Variants in MCTP2 observed in about 807,000 individuals in gnomAD.
MCTP2 encodes multiple C2 and transmembrane domain-containing protein 2.
A neutral mutation model predicts 111.6 loss-of-function variants in MCTP2; 132 were observed. The observed-to-expected ratio is 1.18, with a 90% CI of 1.03 to 1.37. MCTP2 has a LOEUF of 1.37. MCTP2 is among the 40% of genes most tolerant of loss of function. The pLI is 0.00. For missense variants in MCTP2, 1,183 were observed against 1,067.9 expected, an observed-to-expected ratio of 1.11 and a Z score of -1.50; for synonymous variants, 395 against 387.7, an observed-to-expected ratio of 1.02 and a Z score of -0.22.
In MCTP2 at chr15:94,252,651, C is replaced by T. The variant is rs187838781; in HGVS notation, c.-66+20987C>T. Among the ~76,000 whole-genome samples, 140 of 150,142 alleles carry T rather than the reference C, an allele frequency of 9.3e-4. 5 individuals carry two copies. The East Asian group carries it at 0.022, about 24-fold the overall frequency. On this transcript the variant is annotated intron_variant, in intron 1 of 22. Coordinates refer to ENST00000357742, the MANE Select transcript of MCTP2 (RefSeq NM_001385001.1). Reference sequence around the variant, plus strand: ...TTACAGATTTTTTTTTTTTTGGTCTCAAAGTAAAAACAAGGTATCACAGCT... The same window carrying T: ...TTACAGATTTTTTTTTTTTTGGTCTTAAAGTAAAAACAAGGTATCACAGCT...
chr15:94,245,252 GT>G (rs2152249119), intron 1 of MCTP2, among the ~76,000 whole-genome samples: 1 of 136,052 alleles, frequency 7.4e-6, no homozygotes, highest in African/African-American at 2.7e-5. Flanking sequence ...ATACACATAT[GT>G]ATATATACAT....
chr15:94,255,048 A>T (rs2072678273), intron 1 of MCTP2, among the ~76,000 whole-genome samples: 1 of 152,164 alleles, frequency 6.6e-6, no homozygotes, highest in Non-Finnish European at 1.5e-5. Flanking sequence ...AATTTTTTAG[A>T]AGTTTTCTAT....
At chr15:94,455,284 T>C (rs1221920041) in intron 19 of MCTP2, among the ~76,000 whole-genome samples, 7 of 152,266 alleles carry the variant, frequency 4.6e-5, no homozygotes, top group Non-Finnish European at 8.8e-5. Context: ...GAAAAGTTCC[T>C]GTGAATGAAT....
chr15:94,316,952 T>G (rs577323739), intron 4 of MCTP2, among the ~76,000 whole-genome samples: 4 of 152,270 alleles, frequency 2.6e-5, no homozygotes, highest in African/African-American at 9.6e-5. Context: ...CTTCTATGTC[T>G]CTTAGGTTTT....
At chr15:94,300,434 C>T (rs1045104710) in intron 2 of MCTP2, among the ~76,000 whole-genome samples, 7 of 147,220 alleles carry the variant, frequency 4.8e-5, no homozygotes, top group South Asian at 2.1e-4. Context: ...GGCATGAACG[C>T]GGGAGGTAGA....
chr15:94,243,516 C>T lies in MCTP2; in HGVS notation c.-66+11852C>T, dbSNP rs1238363110. 1.4e-5 allele frequency among the ~76,000 whole-genome samples: 2 copies of T among 138,634 alleles called. 1 individual carries two copies. The highest frequency in any genetic ancestry group is 3.2e-5 in the Non-Finnish European group (2 of 62,034). 90.9% of individuals were successfully genotyped at this position (138,634 alleles called of 152,430 possible). Reference sequence around the variant, plus strand: ...ATGCGTACATATGTATGCGTATATGCGTATGTACACACATACGTATGCGTG... The same window carrying T: ...ATGCGTACATATGTATGCGTATATGTGTATGTACACACATACGTATGCGTG... On this transcript the variant is annotated intron_variant, in intron 1 of 22. Transcript: ENST00000357742.
chr15:94,429,881 T>A (rs1264747858), intron 17 of MCTP2, among the ~76,000 whole-genome samples: 1 of 152,212 alleles, frequency 6.6e-6, no homozygotes. Flanking sequence ...TCCTACAGAC[T>A]TTGTCTCAAT....
At position 94,367,682 on chromosome 15, in the gene MCTP2, C is replaced by A. The variant is rs2079267107; in HGVS notation, c.1379C>A (p.Ala460Asp). The change falls in exon 11 of 23, where the codon GCT (alanine) becomes GAT (aspartate). Residue 460 changes from alanine (A) to aspartate (D), a missense_variant. Ala to Asp is a moderately radical substitution (Grantham distance 126). Coordinates refer to ENST00000357742, the MANE Select transcript of MCTP2 (RefSeq NM_001385001.1). Reference protein sequence around the residue: ...LELPLDSCLGALLMLVTLTPC... With the variant: ...LELPLDSCLGDLLMLVTLTPC... The stretch of plus-strand genomic sequence containing the variant: ...CTGCCACTGGACAGCTGTCTGGGGG[C>A]TCTCCTTATGTTGGTCACACTTACA... 1.2e-6 allele frequency: 2 copies of A among 1,612,214 alleles called. No individual in the cohort carries two copies. The highest frequency in any genetic ancestry group is 1.7e-6 in the Non-Finnish European group (2 of 1,179,138).
At chr15:94,473,083 G>T (rs1218093784) in intron 21 of MCTP2, among the ~76,000 whole-genome samples, 4 of 149,604 alleles carry the variant, frequency 2.7e-5, no homozygotes, top group African/African-American at 9.8e-5. Context: ...TGAAAAAAAT[G>T]TAACTATATA....
At chr15:94,318,505 C>G (rs1396796032) in intron 4 of MCTP2, among the ~76,000 whole-genome samples, 3 of 152,044 alleles carry the variant, frequency 2.0e-5, no homozygotes, top group Non-Finnish European at 4.4e-5. Flanking sequence ...AAACTCCTGA[C>G]CTTGTGATCT....
chr15:94,342,903 T>C (rs2152407117), intron 7 of MCTP2: 1 of 147,940 alleles, frequency 6.8e-6, no homozygotes, highest in South Asian at 2.1e-4. Flanking sequence ...TATATCCATA[T>C]TTATGTATAT....
intron 8 of MCTP2, among the ~76,000 whole-genome samples, chr15:94,350,882 AT>A (rs531400790): frequency 1.2e-3 from 185 of 148,164 alleles, no homozygotes; most frequent in African/African-American, 3.4e-3. Context: ...TTATCTCTTC[AT>A]TTTTTTTTTT....
chr15:94,382,701 C>T (rs80065444), intron 12 of MCTP2, among the ~76,000 whole-genome samples: 2,956 of 152,372 alleles, frequency 0.019, 100 homozygotes, highest in African/African-American at 0.068. Flanking sequence ...GTCAAGAGGC[C>T]TGAGCACTCT....
At chr15:94,409,753 G>A (rs2152484274) in intron 17 of MCTP2, among the ~76,000 whole-genome samples, 1 of 151,796 alleles carries the variant, frequency 6.6e-6, no homozygotes, top group South Asian at 2.1e-4. Flanking sequence ...CCCACAAGCA[G>A]TGATGGTTTC....
intron 20 of MCTP2, among the ~76,000 whole-genome samples, chr15:94,467,145 ATG>A (rs2073415217): frequency 2.0e-5 from 3 of 152,188 alleles, no homozygotes; most frequent in Non-Finnish European, 1.5e-5. Context: ...TGTTTTAGAG[ATG>A]GGAAAATGAA....
Position 94,480,596 on chromosome 15 carries a change from C to A in MCTP2, c.*1562C>A, listed in dbSNP as rs1463589909. 6.6e-6 allele frequency: 1 copy of A among 152,196 alleles called. No individual in the cohort carries two copies. Among genetic ancestry groups the A allele is most frequent in the African/African-American group, 2.4e-5 (1 of 41,446 alleles). The allele number at this position is 152,196 out of a possible 1,614,324, so 9.4% of individuals were successfully genotyped here. The stretch of plus-strand genomic sequence containing the variant: ...ATACCCAAGAACCTCTTTTGTTAAA[C>A]CAGTTACTCAATCTTCTGTGTAAAC... On this transcript the variant is annotated 3_prime_UTR_variant, in exon 23 of 23. Transcript: ENST00000357742.
intron 17 of MCTP2, among the ~76,000 whole-genome samples, chr15:94,404,998 G>C (rs1301870424): frequency 2.0e-5 from 3 of 152,142 alleles, no homozygotes; most frequent in Admixed American, 6.5e-5. Context: ...TGCTCGCCTT[G>C]GCATGACAGG....
In MCTP2 at chr15:94,479,923, T is replaced by A. The variant is rs2152549516; in HGVS notation, c.*889T>A. Reference sequence around the variant, plus strand: ...AAGACCGAGAGACTAATAAGGCTGCTTACCTAATTATTATAATCATTTCAT... The same window carrying A: ...AAGACCGAGAGACTAATAAGGCTGCATACCTAATTATTATAATCATTTCAT... On this transcript the variant is annotated 3_prime_UTR_variant, in exon 23 of 23. Transcript: ENST00000357742. 1 of 152,326 alleles carries A rather than the reference T, an allele frequency of 6.6e-6. No homozygotes were observed. Among genetic ancestry groups the A allele is most frequent in the Admixed American group, 6.5e-5 (1 of 15,298 alleles). 9.4% of individuals were successfully genotyped at this position (152,326 alleles called of 1,614,324 possible). A position where few individuals can be genotyped will look rare whatever the true frequency, so the allele number is the denominator to read the frequency against.
At chr15:94,343,998 A>G (rs548331557) in intron 7 of MCTP2, 1 of 152,248 alleles carries the variant, frequency 6.6e-6, no homozygotes, top group Admixed American at 6.5e-5. Flanking sequence ...CTGTGTACCT[A>G]AAAGATGGTA....
Sources: gnomAD v4.1 joint callset for allele counts (sites outside exome capture counted in the v4.1 genomes callset) on GRCh38, gnomAD v4.1.1 for gene constraint, MANE v1.5 for transcripts, NCBI Gene and HGNC (gene_info 2026-07-23, HGNC 2026-07-21) for gene names.